Variants in PCDH15 observed in about 807,000 individuals in gnomAD.
PCDH15 encodes protocadherin related 15.
PCDH15 carries 129 observed loss-of-function variants against 178.5 expected under a neutral mutation model. That is an observed-to-expected ratio of 0.72 (90% CI 0.63 to 0.84). The LOEUF (loss-of-function observed/expected upper bound fraction) is 0.84, where lower values mean the gene tolerates loss of function less well. Ranked by LOEUF, PCDH15 falls within the 40% of genes least tolerant of loss-of-function variation. The probability of loss-of-function intolerance (pLI) is 0.00; values close to 1 mark genes in which losing one functional copy is unlikely to be tolerated. For missense variants in PCDH15, 2,230 were observed against 2,099.9 expected, an observed-to-expected ratio of 1.06 and a Z score of -1.21; for synonymous variants, 800 against 732.0, an observed-to-expected ratio of 1.09 and a Z score of -1.50.
At chr10:55,511,594 C>T (rs1168865726) in intron 2 of PCDH15, among the ~76,000 whole-genome samples, 2 of 151,832 alleles carry the variant, frequency 1.3e-5, no homozygotes, top group African/African-American at 4.8e-5. Flanking sequence ...ATTTTTTTTA[C>T]TAGGTTTGTT....
At chr10:54,667,959 G>A (rs1034019710) in intron 1 of PCDH15, among the ~76,000 whole-genome samples, 5 of 151,882 alleles carry the variant, frequency 3.3e-5, no homozygotes, top group Admixed American at 3.3e-4. Context: ...ACACGTAAGT[G>A]GTTTGCATTC....
Position 55,186,964 on chromosome 10 carries a change from G to A in PCDH15, c.-155-20313C>T, listed in dbSNP as rs563707659. On this transcript the variant is annotated intron_variant, in intron 1 of 5. Coordinates refer to the PCDH15 transcript ENST00000458638. ...GAAAATGAAAATAAAAATTCTCAGC[G>A]TTGAATGAATAAATAACATAATCAT... is the stretch of plus-strand genomic sequence containing the variant. Among the ~76,000 whole-genome samples, 75 of 151,912 alleles carry A rather than the reference G, an allele frequency of 4.9e-4. 1 individual carries two copies. Among genetic ancestry groups the A allele is most frequent in the Middle Eastern group, 3.4e-3 (1 of 294 alleles).
At chr10:54,044,682 T>C (rs1590089025) in intron 18 of PCDH15, among the ~76,000 whole-genome samples, 1 of 152,028 alleles carries the variant, frequency 6.6e-6, no homozygotes, top group African/African-American at 2.4e-5. Context: ...AGTGCAAAGA[T>C]CTATAAGGAT....
chr10:55,107,523 G>A (rs1039819357), intron 2 of PCDH15, among the ~76,000 whole-genome samples: 6 of 110,190 alleles, frequency 5.4e-5, no homozygotes, highest in Middle Eastern at 8.9e-3. Flanking sequence ...ATGGAGCCTC[G>A]CCCTGTTGCC....
At position 54,400,061 on chromosome 10, in the gene PCDH15, G is replaced by A. The variant is rs1488151251; in HGVS notation, c.158-21119C>T. Among the ~76,000 whole-genome samples, 4 of 152,190 alleles carry A rather than the reference G, an allele frequency of 2.6e-5. 1 individual carries two copies. Among genetic ancestry groups the A allele is most frequent in the Admixed American group, 2.0e-4 (3 of 15,266 alleles). ...AGAGAGCAAGGTTGTTGACACCCAG[G>A]TTCTAAGGCAGCTGGGATGCCTACA... On this transcript the variant is annotated intron_variant, in intron 3 of 37. Coordinates refer to ENST00000644397, the MANE Select transcript of PCDH15 (RefSeq NM_001384140.1).
chr10:53,921,106 A>G (rs2083959650), intron 25 of PCDH15, among the ~76,000 whole-genome samples: 1 of 152,196 alleles, frequency 6.6e-6, no homozygotes, highest in African/African-American at 2.4e-5. Context: ...ATAGGGGTTC[A>G]CAGTTCTTGC....
intron 2 of PCDH15, among the ~76,000 whole-genome samples, chr10:55,015,610 C>A (rs1591836793): frequency 6.6e-6 from 1 of 151,906 alleles, no homozygotes; most frequent in African/African-American, 2.4e-5. Flanking sequence ...ATGGTCCTGG[C>A]GGAAAACAGA....
intron 1 of PCDH15, among the ~76,000 whole-genome samples, chr10:55,246,035 T>A (rs1451174262): frequency 6.6e-6 from 1 of 152,170 alleles, no homozygotes; most frequent in Non-Finnish European, 1.5e-5. Context: ...CAGAGCAGCA[T>A]CTGGAAAATC....
intron 27 of PCDH15, among the ~76,000 whole-genome samples, chr10:53,860,644 T>C (rs2079042309): frequency 6.7e-6 from 1 of 149,570 alleles, no homozygotes; most frequent in Non-Finnish European, 1.5e-5. Flanking sequence ...GGCACGAGAA[T>C]TGCTTGAACC....
chr10:54,659,764 A>AC (rs1030607235), intron 2 of PCDH15, among the ~76,000 whole-genome samples: 2 of 129,636 alleles, frequency 1.5e-5, no homozygotes, highest in Middle Eastern at 3.9e-3. Context: ...AAAAAAAAAA[A>AC]AAAATACATA....
intron 2 of PCDH15, among the ~76,000 whole-genome samples, chr10:55,521,098 C>G (rs796341020): frequency 2.0e-4 from 30 of 152,042 alleles, no homozygotes; most frequent in African/African-American, 6.7e-4. Context: ...ACCCCCAGCC[C>G]TTAGCAACAA....
intron 2 of PCDH15, among the ~76,000 whole-genome samples, chr10:55,421,914 T>C: frequency 6.6e-6 from 1 of 151,768 alleles, no homozygotes; most frequent in Non-Finnish European, 1.5e-5. Context: ...AAAAATGGTA[T>C]TTCTATTAGC....
intron 2 of PCDH15, among the ~76,000 whole-genome samples, chr10:55,547,910 T>TGTGTGAGAGAGAGAGAGAGA (rs541144266): frequency 6.1e-4 from 33 of 54,516 alleles, no homozygotes; most frequent in African/African-American, 2.1e-3. Context: ...TGTGTGTGTG[T>TGTGTGAGAGAGAGAGAGAGA]GAGAGAGAGA....
At chr10:55,081,156 A>T (rs557032798) in intron 2 of PCDH15, among the ~76,000 whole-genome samples, 3 of 152,226 alleles carry the variant, frequency 2.0e-5, no homozygotes, top group African/African-American at 7.2e-5. Context: ...CTCCCAGCTG[A>T]TCTCAGCCAA....
intron 2 of PCDH15, among the ~76,000 whole-genome samples, chr10:55,393,658 C>T (rs1276147579): frequency 1.3e-5 from 2 of 152,162 alleles, no homozygotes; most frequent in Non-Finnish European, 1.5e-5. Flanking sequence ...TTTTGCTGAA[C>T]TCTCTAACAA....
At chr10:55,359,908 G>T (rs1357821724) in intron 2 of PCDH15, among the ~76,000 whole-genome samples, 2 of 151,644 alleles carry the variant, frequency 1.3e-5, no homozygotes, top group Non-Finnish European at 2.9e-5. Context: ...AATAGCTCAG[G>T]ACTTCACTTA....
intron 26 of PCDH15, among the ~76,000 whole-genome samples, chr10:53,873,429 A>G (rs1564654478): frequency 6.6e-6 from 1 of 152,216 alleles, no homozygotes; most frequent in Non-Finnish European, 1.5e-5. Context: ...ATATTATTAC[A>G]TTATCTCATG....
chr10:53,811,468 T>C lies in PCDH15; in HGVS notation c.4562+81A>G, dbSNP rs554832067. The C allele has an allele frequency of 2.1e-5, 18 of 856,048 alleles. No homozygotes were observed. In the African/African-American group the frequency reaches 3.0e-4, roughly 14 times the overall value. The allele number at this position is 856,048 out of a possible 1,614,324, so 53.0% of individuals were successfully genotyped here. ...TCGACATGACATTAAAAACAAATTC[T>C]AGTAATAATAATCATTTAATAATTT... On this transcript the variant is annotated intron_variant, in intron 36 of 37. Transcript: ENST00000644397.
intron 1 of PCDH15, among the ~76,000 whole-genome samples, chr10:54,683,326 T>C (rs1274426222): frequency 6.6e-6 from 1 of 152,004 alleles, no homozygotes; most frequent in Non-Finnish European, 1.5e-5. Flanking sequence ...ACTCTATCCA[T>C]TAAATAGGTG....
Sources: allele counts gnomAD v4.1 joint callset (sites outside exome capture counted in the v4.1 genomes callset), GRCh38; gene constraint gnomAD v4.1.1; transcripts MANE v1.5; gene names NCBI Gene and HGNC (gene_info 2026-07-23, HGNC 2026-07-21).